The following EDARADD variants were observed in gnomAD, a reference collection of about 807,000 sequenced individuals.
EDARADD encodes the protein EDAR associated via death domain.
Under a neutral mutation model 25.6 loss-of-function variants are expected in EDARADD, and 20 were observed. The ratio of observed to expected loss-of-function variants is 0.78; its 90% CI spans 0.55 to 1.14. EDARADD has a LOEUF of 1.14. EDARADD is among the 50% of genes most tolerant of loss of function. The pLI, the probability that EDARADD is intolerant of heterozygous loss-of-function variation, is 0.00. For missense variants in EDARADD, 225 were observed against 270.1 expected (o/e 0.83, Z 1.17); for synonymous variants, 86 against 94.4 (o/e 0.91, Z 0.52).
At chr1:236,447,170 C>CT (rs1491458683) in intron 4 of EDARADD, among the ~76,000 whole-genome samples, 1 of 93,624 alleles carries the variant, frequency 1.1e-5, no homozygotes, top group African/African-American at 5.1e-5. Flanking sequence ...CCCTCCCTCC[C>CT]TCTTTCTTTC....
chr1:236,440,030 A>G (rs1385265745), intron 4 of EDARADD, among the ~76,000 whole-genome samples: 1 of 152,162 alleles, frequency 6.6e-6, no homozygotes, highest in Non-Finnish European at 1.5e-5. Flanking sequence ...GTGAGAGTTT[A>G]AAGAGTTTAA....
intron 3 of EDARADD, among the ~76,000 whole-genome samples, chr1:236,359,521 T>G (rs547066446): frequency 1.3e-5 from 2 of 152,314 alleles, no homozygotes; most frequent in South Asian, 4.1e-4. Context: ...CCAGCTGTAT[T>G]AGTCCATTTT....
intron 4 of EDARADD, among the ~76,000 whole-genome samples, chr1:236,463,660 C>T (rs372936412): frequency 1.3e-5 from 2 of 152,158 alleles, no homozygotes; most frequent in African/African-American, 4.8e-5. Context: ...CGACCGTCAC[C>T]ACCATTCACC....
intron 5 of EDARADD, among the ~76,000 whole-genome samples, chr1:236,475,984 A>G (rs1659491960): frequency 6.6e-6 from 1 of 152,042 alleles, no homozygotes; most frequent in Admixed American, 6.6e-5. Context: ...TGAGGTCAAG[A>G]GTTCGAGACC....
chr1:236,369,302 C>T (rs1667147684), intron 3 of EDARADD, among the ~76,000 whole-genome samples: 1 of 152,184 alleles, frequency 6.6e-6, no homozygotes, highest in Non-Finnish European at 1.5e-5. Context: ...GAACTGTCAC[C>T]TTGATGATAT....
chr1:236,393,583 G>T (rs1331680647), upstream of EDARADD, among the ~76,000 whole-genome samples: 1 of 151,508 alleles, frequency 6.6e-6, no homozygotes, highest in African/African-American at 2.4e-5. Flanking sequence ...TTTTAGTAGC[G>T]GTGGGGTTTC....
rs1343627514 is a variant in EDARADD at position 236,356,760 on chromosome 1, A to AC, written c.-6+5921_-6+5922insC. Among the ~76,000 whole-genome samples, 374 of 138,886 alleles carry AC rather than the reference A, an allele frequency of 2.7e-3. 2 individuals carry two copies. Among genetic ancestry groups the AC allele is most frequent in the African/African-American group, 9.6e-3 (356 of 36,938 alleles). 91.1% of individuals were successfully genotyped at this position (138,886 alleles called of 152,430 possible). A position where few individuals can be genotyped will look rare whatever the true frequency, so the allele number is the denominator to read the frequency against. On this transcript the variant is annotated intron_variant, in intron 3 of 7. Coordinates refer to the EDARADD transcript ENST00000439430. ...CCCCTTTAAAACAAAACAAAACAAA[A>AC]AAAAAAACCACACCAATTTGGCTTA... is the stretch of plus-strand genomic sequence containing the variant.
intron 3 of EDARADD, among the ~76,000 whole-genome samples, chr1:236,426,986 A>T (rs1411297696): frequency 6.6e-6 from 1 of 151,938 alleles, no homozygotes; most frequent in East Asian, 1.9e-4. Flanking sequence ...AGTTCAAGTG[A>T]TTCTCCTGCC....
At chr1:236,391,265 C>T (rs1227492541), upstream of EDARADD, among the ~76,000 whole-genome samples, 1 of 152,154 alleles carries the variant, frequency 6.6e-6, no homozygotes, top group East Asian at 1.9e-4. Flanking sequence ...GTCGCCACCA[C>T]CTAATTGCTT....
upstream of EDARADD, among the ~76,000 whole-genome samples, chr1:236,390,409 G>T (rs1296965423): frequency 6.6e-6 from 1 of 152,108 alleles, no homozygotes; most frequent in East Asian, 1.9e-4. Flanking sequence ...CAAAAAATTA[G>T]CTGGGCGTGG....
chr1:236,425,262 C>T (rs369470311), intron 3 of EDARADD, among the ~76,000 whole-genome samples: 1 of 152,216 alleles, frequency 6.6e-6, no homozygotes, highest in Non-Finnish European at 1.5e-5. Context: ...AATGCTTTTT[C>T]CCGTTTTCTT....
chr1:236,472,420 A>G (rs538998487), intron 5 of EDARADD, among the ~76,000 whole-genome samples: 1 of 151,474 alleles, frequency 6.6e-6, no homozygotes, highest in East Asian at 2.0e-4. Context: ...GGGATCTCCG[A>G]GGGTGGGACC....
At chr1:236,357,189 A>G (rs908611312) in intron 3 of EDARADD, among the ~76,000 whole-genome samples, 4 of 152,222 alleles carry the variant, frequency 2.6e-5, no homozygotes, top group African/African-American at 7.2e-5. Flanking sequence ...CTGTGTGACA[A>G]AATAGGAAGA....
intron 4 of EDARADD, among the ~76,000 whole-genome samples, chr1:236,449,293 G>A (rs1269413603): frequency 6.6e-6 from 1 of 152,194 alleles, no homozygotes; most frequent in African/African-American, 2.4e-5. Flanking sequence ...CTTACATTCT[G>A]AGATATTGGG....
At chr1:236,467,977 G>C (rs776222825) in intron 4 of EDARADD, among the ~76,000 whole-genome samples, 1 of 152,106 alleles carries the variant, frequency 6.6e-6, no homozygotes, top group Admixed American at 6.6e-5. Flanking sequence ...AGTGTCTGCT[G>C]TGTATCAAGC....
chr1:236,391,133 G>A (rs1204179427), upstream of EDARADD, among the ~76,000 whole-genome samples: 1 of 151,722 alleles, frequency 6.6e-6, no homozygotes, highest in Non-Finnish European at 1.5e-5. Context: ...TTTTAAGACC[G>A]GTCCCCCTGT....
intron 3 of EDARADD, among the ~76,000 whole-genome samples, chr1:236,363,000 A>ATATATATAT (rs1158321993): frequency 2.6e-4 from 15 of 57,272 alleles, no homozygotes; most frequent in East Asian, 3.3e-3. Context: ...AAAAAAAAAA[A>ATATATATAT]AAAAAAATAT....
At chr1:236,349,511 C>T (rs1436103852) in intron 2 of EDARADD, among the ~76,000 whole-genome samples, 1 of 143,810 alleles carries the variant, frequency 7.0e-6, no homozygotes, top group Non-Finnish European at 1.5e-5. Context: ...TGGTTTGGTT[C>T]AGAAAGGCGG....
chr1:236,352,903 G>A (rs373150896), intron 3 of EDARADD, among the ~76,000 whole-genome samples: 79 of 152,124 alleles, frequency 5.2e-4, no homozygotes, highest in African/African-American at 1.8e-3. Context: ...CCAGCTACTC[G>A]GGAGGCTGAG....
Sources: allele counts gnomAD v4.1 joint callset (sites outside exome capture counted in the v4.1 genomes callset), GRCh38; gene constraint gnomAD v4.1.1; transcripts MANE v1.5; gene names NCBI Gene and HGNC (gene_info 2026-07-23, HGNC 2026-07-21).